Variants in PHACTR1 observed in about 807,000 individuals in gnomAD.
PHACTR1 encodes the protein RPEL repeat containing 1.
A neutral mutation model predicts 69.2 loss-of-function variants in PHACTR1; 16 were observed. That is an observed-to-expected ratio of 0.23 (90% confidence interval 0.16 to 0.35). The LOEUF is 0.35. Ranked by LOEUF, PHACTR1 falls within the 10% of genes least tolerant of loss-of-function variation. PHACTR1 has a pLI of 1.00. For missense variants in PHACTR1, 510 were observed against 734.7 expected, an observed-to-expected ratio of 0.69 and a Z score of 3.54; for synonymous variants, 312 against 284.5, an observed-to-expected ratio of 1.10 and a Z score of -0.97.
intron 4 of PHACTR1, among the ~76,000 whole-genome samples, chr6:12,757,265 G>T (rs1235521490): frequency 6.6e-6 from 1 of 152,122 alleles, no homozygotes; most frequent in Non-Finnish European, 1.5e-5. Flanking sequence ...CAAGTGAAAA[G>T]GACCTAAACT....
At chr6:12,765,355 C>T (rs1049381919) in intron 4 of PHACTR1, among the ~76,000 whole-genome samples, 28 of 152,112 alleles carry the variant, frequency 1.8e-4, no homozygotes, top group Admixed American at 1.7e-3. Context: ...ATTTCCTTTC[C>T]GAGGCAAGGG....
intron 4 of PHACTR1, among the ~76,000 whole-genome samples, chr6:12,928,869 G>GAGGA (rs1207228679): frequency 6.6e-6 from 1 of 152,206 alleles, no homozygotes; most frequent in Non-Finnish European, 1.5e-5. Context: ...AGGTAACACT[G>GAGGA]AGGAAGGATA....
chr6:13,123,783 C>T (rs1331709154), intron 5 of PHACTR1, among the ~76,000 whole-genome samples: 1 of 152,168 alleles, frequency 6.6e-6, no homozygotes, highest in South Asian at 2.1e-4. Flanking sequence ...ACTAGAGGCT[C>T]CCATCACATT....
At position 13,073,331 on chromosome 6, in the gene PHACTR1, A is replaced by ATTTTTTTTTT. The variant is rs10664160; in HGVS notation, c.415+19823_415+19832dup. Among the ~76,000 whole-genome samples, 37 of 65,692 alleles carry ATTTTTTTTTT rather than the reference A, an allele frequency of 5.6e-4. 6 individuals carry two copies. Among genetic ancestry groups the ATTTTTTTTTT allele is most frequent in the East Asian group, 1.1e-3 (2 of 1,782 alleles). The allele number at this position is 65,692 out of a possible 152,430, so 43.1% of individuals were successfully genotyped here. A position where few individuals can be genotyped will look rare whatever the true frequency, so the allele number is the denominator to read the frequency against. On this transcript the variant is annotated intron_variant, in intron 5 of 14. Coordinates refer to ENST00000332995, the MANE Select transcript of PHACTR1 (RefSeq NM_030948.6). ...ATTCCTTCAACCAATCATTCCATGA[A>ATTTTTTTTTT]TTTTTTTTTTTTTTTTTTTTTTTTT...
chr6:12,837,628 T>A (rs1018553641), intron 4 of PHACTR1, among the ~76,000 whole-genome samples: 1 of 151,494 alleles, frequency 6.6e-6, no homozygotes. Context: ...CACAAAAATC[T>A]CTTTTTCTCT....
At chr6:13,118,712 C>T (rs912777709) in intron 5 of PHACTR1, among the ~76,000 whole-genome samples, 1 of 152,086 alleles carries the variant, frequency 6.6e-6, no homozygotes, top group Non-Finnish European at 1.5e-5. Context: ...CTCCTGATCT[C>T]GTGATCTGCC....
At chr6:13,061,574 C>CAA (rs1807683386) in intron 5 of PHACTR1, among the ~76,000 whole-genome samples, 2 of 152,098 alleles carry the variant, frequency 1.3e-5, no homozygotes, top group African/African-American at 4.8e-5. Flanking sequence ...GATACAAACT[C>CAA]AAACCATGGG....
intron 10 of PHACTR1, among the ~76,000 whole-genome samples, chr6:13,268,657 G>A (rs1167242796): frequency 2.0e-5 from 3 of 152,200 alleles, no homozygotes; most frequent in Admixed American, 1.3e-4. Context: ...GAGGTAAATA[G>A]GTTCAGAGCA....
intron 7 of PHACTR1, chr6:13,185,024 T>G (rs1762660229): frequency 7.4e-7 from 1 of 1,344,170 alleles, no homozygotes; most frequent in Non-Finnish European, 9.9e-7. Flanking sequence ...AGACGTCTTC[T>G]GGGGCAAGCA....
intron 4 of PHACTR1, among the ~76,000 whole-genome samples, chr6:12,995,631 T>C (rs1201895693): frequency 1.3e-5 from 2 of 152,080 alleles, no homozygotes; most frequent in African/African-American, 4.8e-5. Context: ...AATAATTATG[T>C]ATTAATACTT....
chr6:12,755,172 A>G (rs1399578195), intron 4 of PHACTR1, among the ~76,000 whole-genome samples: 1 of 152,172 alleles, frequency 6.6e-6, no homozygotes, highest in Non-Finnish European at 1.5e-5. Context: ...TTATGGCTAC[A>G]TGGTAAATTA....
chr6:13,225,196 T>A (rs1045963388), intron 8 of PHACTR1, among the ~76,000 whole-genome samples: 2 of 152,240 alleles, frequency 1.3e-5, no homozygotes, highest in African/African-American at 4.8e-5. Context: ...ATAGTTGGCA[T>A]TCAGTGGATA....
At position 13,090,116 on chromosome 6, in the gene PHACTR1, G is replaced by A. The variant is rs555953662; in HGVS notation, c.415+36587G>A. Among the ~76,000 whole-genome samples the A allele has an allele frequency of 5.3e-5, 8 of 152,158 alleles. No homozygotes were observed. In the South Asian group the frequency reaches 1.2e-3, roughly 24 times the overall value. On this transcript the variant is annotated intron_variant, in intron 5 of 14. Transcript: ENST00000332995. ...GTTGCCTAGGCTGGAGTGTAATGGC[G>A]CGATCTCGGCTCACTGCAACCTCCG...
intron 7 of PHACTR1, chr6:13,196,464 A>G (rs1438775517): frequency 1.3e-5 from 2 of 154,660 alleles, no homozygotes; most frequent in Admixed American, 7.3e-5. Context: ...TCTGTTGCCC[A>G]CGGTGGAGCG....
At chr6:12,862,939 A>C (rs1389699824) in intron 4 of PHACTR1, among the ~76,000 whole-genome samples, 1 of 152,236 alleles carries the variant, frequency 6.6e-6, no homozygotes, top group African/African-American at 2.4e-5. Flanking sequence ...TTTGGAAGAC[A>C]TGGGTTCCAC....
intron 5 of PHACTR1, among the ~76,000 whole-genome samples, chr6:13,079,441 C>T (rs1053950316): frequency 5.9e-5 from 9 of 152,092 alleles, no homozygotes; most frequent in Non-Finnish European, 1.0e-4. Flanking sequence ...AAACCTTTCC[C>T]TTCCCTTCCA....
At chr6:13,042,085 G>T (rs1294223497) in intron 4 of PHACTR1, among the ~76,000 whole-genome samples, 1 of 152,150 alleles carries the variant, frequency 6.6e-6, no homozygotes, top group African/African-American at 2.4e-5. Context: ...GAGTTTAAAA[G>T]GTTTATTGTA....
At chr6:13,124,457 C>A (rs1009222499) in intron 5 of PHACTR1, among the ~76,000 whole-genome samples, 1 of 152,234 alleles carries the variant, frequency 6.6e-6, no homozygotes, top group African/African-American at 2.4e-5. Flanking sequence ...AACAGGCTCA[C>A]ATGACTCAGT....
chr6:12,942,603 G>C (rs1790170907), intron 4 of PHACTR1, among the ~76,000 whole-genome samples: 1 of 152,096 alleles, frequency 6.6e-6, no homozygotes, highest in African/African-American at 2.4e-5. Context: ...CAGGTTCAGT[G>C]AGCCGAGATC....
Sources: allele counts gnomAD v4.1 joint callset (sites outside exome capture counted in the v4.1 genomes callset), GRCh38; gene constraint gnomAD v4.1.1; transcripts MANE v1.5; gene names NCBI Gene and HGNC (gene_info 2026-07-23, HGNC 2026-07-21).